Variants in GPRC6A observed in about 807,000 individuals in gnomAD.
GPRC6A encodes G protein-coupled receptor class C group 6 member A, also known as G protein-coupled receptor family C group 6 member A.
A neutral mutation model predicts 47.0 loss-of-function variants in GPRC6A; 54 were observed. The observed-to-expected ratio is 1.15, with a 90% CI of 0.92 to 1.44. The LOEUF (loss-of-function observed/expected upper bound fraction) is 1.44, where lower values mean the gene tolerates loss of function less well. Ranked by LOEUF, GPRC6A falls within the 40% of genes most tolerant of loss-of-function variation. The probability of loss-of-function intolerance (pLI) is 0.00; values close to 1 mark genes in which losing one functional copy is unlikely to be tolerated. For missense variants in GPRC6A, 1,112 were observed against 1,105.5 expected, an observed-to-expected ratio of 1.01 and a Z score of -0.08; for synonymous variants, 347 against 377.1, an observed-to-expected ratio of 0.92 and a Z score of 0.93.
At chr6:116,822,945 C>T (rs1167668018) in intron 1 of GPRC6A, among the ~76,000 whole-genome samples, 5 of 150,888 alleles carry the variant, frequency 3.3e-5, no homozygotes, top group East Asian at 3.9e-4. Context: ...CCTCCTAGAC[C>T]TCTGGGCCTG....
Position 116,800,650 on chromosome 6 carries a change from A to T in GPRC6A, c.1482T>A (p.Tyr494Ter), listed in dbSNP as rs760541453. ...GHMTVTKMAE[Y>*]DLQNDVFIIP... ...TGATGAAGACATCATTCTGTAGGTC[A>T]TATTCTGCCATCTTAGTGACAGTCA... is the stretch of plus-strand genomic sequence containing the variant. The change falls in exon 4 of 6, where the codon TAT becomes TAA. Residue 494 changes from tyrosine (Y) to a stop codon, truncating the protein, a stop_gained. Transcript: ENST00000310357. LOFTEE classifies it high-confidence loss of function. 1.2e-6 allele frequency: 2 copies of T among 1,613,500 alleles called. No individual in the cohort carries two copies. Among genetic ancestry groups the T allele is most frequent in the East Asian group, 4.5e-5 (2 of 44,856 alleles).
intron 1 of GPRC6A, among the ~76,000 whole-genome samples, chr6:116,813,659 A>G (rs957965322): frequency 1.3e-5 from 2 of 152,228 alleles, no homozygotes; most frequent in Admixed American, 1.3e-4. Context: ...AAAACCCTAG[A>G]AGAAAACCTA....
chr6:116,803,943 T>A (rs1772758358), intron 3 of GPRC6A, among the ~76,000 whole-genome samples: 1 of 152,094 alleles, frequency 6.6e-6, no homozygotes, highest in Non-Finnish European at 1.5e-5. Flanking sequence ...ATTGTATATA[T>A]CAATGGACAG....
intron 1 of GPRC6A, among the ~76,000 whole-genome samples, chr6:116,814,862 A>T (rs141019550): frequency 0.011 from 1,684 of 152,326 alleles, 28 homozygotes; most frequent in Admixed American, 0.04. Context: ...GCACATATAG[A>T]CTGAAAGTAA....
intron 1 of GPRC6A, among the ~76,000 whole-genome samples, chr6:116,827,118 G>T (rs1426673640): frequency 2.0e-5 from 3 of 151,830 alleles, no homozygotes; most frequent in Non-Finnish European, 2.9e-5. Flanking sequence ...TTAGATAAAA[G>T]ATAGAAGTTC....
At chr6:116,801,690 A>G (rs1157453395) in intron 3 of GPRC6A, among the ~76,000 whole-genome samples, 1 of 152,170 alleles carries the variant, frequency 6.6e-6, no homozygotes, top group Non-Finnish European at 1.5e-5. Context: ...AATAAGTTAT[A>G]TTTTCAAGTA....
intron 1 of GPRC6A, among the ~76,000 whole-genome samples, chr6:116,818,049 C>T (rs1345603081): frequency 3.3e-5 from 5 of 152,108 alleles, no homozygotes; most frequent in South Asian, 2.1e-4. Flanking sequence ...AGATACTCCT[C>T]GAGAAGAGCA....
intron 4 of GPRC6A, among the ~76,000 whole-genome samples, chr6:116,798,096 G>A (rs1429327609): frequency 2.6e-5 from 4 of 152,182 alleles, no homozygotes; most frequent in East Asian, 1.9e-4. Flanking sequence ...TTAGCTCGTC[G>A]AACTTAAGTT....
chr6:116,792,158 C>G lies in GPRC6A; in HGVS notation c.2765G>C (p.Arg922Thr), dbSNP rs776417743. Reference sequence around the variant, plus strand: ...AAGGCTTATTCATATACTTGACATTCTTTTTCGAGGCAAAGTTTTAGATAC... The same window carrying G: ...AAGGCTTATTCATATACTTGACATTGTTTTTCGAGGCAAAGTTTTAGATAC... ...TSVSKTLPRKRMSSI is the reference protein window; with the variant it reads ...TSVSKTLPRKTMSSI The change falls in exon 6 of 6, where the codon AGA becomes ACA. Residue 922 changes from arginine to threonine, a missense_variant. Transcript: ENST00000310357. The G allele has an allele frequency of 1.9e-6, 3 of 1,612,676 alleles. No homozygotes were observed. The highest frequency in any genetic ancestry group is 2.5e-6 in the Non-Finnish European group (3 of 1,179,146).
intron 1 of GPRC6A, among the ~76,000 whole-genome samples, chr6:116,818,260 C>A (rs533380711): frequency 9.9e-5 from 15 of 151,928 alleles, no homozygotes; most frequent in African/African-American, 3.6e-4. Flanking sequence ...TTCGGCCGGG[C>A]GCGGTGGCTC....
chr6:116,821,770 T>A (rs1169603096), intron 1 of GPRC6A, among the ~76,000 whole-genome samples: 2 of 151,616 alleles, frequency 1.3e-5, no homozygotes, highest in Non-Finnish European at 2.9e-5. Context: ...GAAGAAAACC[T>A]AGGCATTACC....
chr6:116,799,803 A>C (rs770243678), intron 4 of GPRC6A, among the ~76,000 whole-genome samples: 3 of 152,190 alleles, frequency 2.0e-5, no homozygotes, highest in Non-Finnish European at 2.9e-5. Flanking sequence ...GAGAGAGGGT[A>C]TAAAATTACC....
chr6:116,795,788 CTT>C lies in GPRC6A; in HGVS notation c.1594_1595del (p.Lys532GlufsTer12). The C allele has an allele frequency of 6.2e-7, 1 of 1,609,008 alleles. No individual in the cohort carries two copies. The highest frequency in any genetic ancestry group is 1.1e-5 in the South Asian group (1 of 90,906). On this transcript the variant is annotated frameshift_variant, in exon 5 of 6. Transcript: ENST00000310357. LOFTEE classifies it high-confidence loss of function. ...CSKECSPGQM[K>X]KTTRSQHICC... ...AGATGTGTTGACTTCTTGTAGTTTT[CTT>C]CATTTGCCCAGGACTGCATTCCTTG...
chr6:116,805,557 A>G (rs1772809326), intron 3 of GPRC6A, among the ~76,000 whole-genome samples: 1 of 152,102 alleles, frequency 6.6e-6, no homozygotes, highest in Admixed American at 6.6e-5. Flanking sequence ...TCTAATAAGT[A>G]AAACATCATT....
intron 1 of GPRC6A, among the ~76,000 whole-genome samples, chr6:116,826,639 T>A (rs9489043): frequency 0.024 from 3,710 of 151,882 alleles, 146 homozygotes; most frequent in African/African-American, 0.085. Context: ...TGGGAAAGAG[T>A]ATGGATATTT....
chr6:116,829,143 T>A, upstream of GPRC6A: 1 of 998,376 alleles, frequency 1.0e-6, no homozygotes, highest in Non-Finnish European at 1.4e-6. Flanking sequence ...CCAGAAACAC[T>A]CAGTATTCAG....
chr6:116,814,266 A>G (rs141224883), intron 1 of GPRC6A, among the ~76,000 whole-genome samples: 8 of 152,234 alleles, frequency 5.3e-5, no homozygotes, highest in African/African-American at 1.9e-4. Flanking sequence ...ATATACCCAA[A>G]GGATTATAAA....
chr6:116,795,217 A>G lies in GPRC6A; in HGVS notation c.1672+495T>C, dbSNP rs549653441. ...GTTGATAGTTGGTCCCTTGTCTCAC[A>G]GAAGTTTCTTTTAGGTTTAACTTTT... On this transcript the variant is annotated intron_variant, in intron 5 of 5. Coordinates refer to ENST00000310357, the MANE Select transcript of GPRC6A (RefSeq NM_148963.4). Among the ~76,000 whole-genome samples the G allele has an allele frequency of 4.2e-4, 64 of 152,318 alleles. 2 individuals are homozygous for G. In the South Asian group the frequency reaches 9.9e-3, roughly 24 times the overall value.
At position 116,792,496 on chromosome 6, in the gene GPRC6A, A is replaced by C; in HGVS notation, c.2427T>G (p.Tyr809Ter). 4 of 1,613,892 alleles carry C rather than the reference A, an allele frequency of 2.5e-6. No homozygotes were observed. The highest frequency in any genetic ancestry group is 2.2e-5 in the East Asian group (1 of 44,876). The change falls in exon 6 of 6, where the codon TAT (tyrosine) becomes TAG (stop). Residue 809 changes from tyrosine (Y) to a stop codon, truncating the protein, a stop_gained. Transcript: ENST00000310357. LOFTEE classifies it low-confidence loss of function (END_TRUNC). Reference sequence around the variant, plus strand: ...TGACAATAATCTCCACAGCTGGTACATATTTGCCAAATGTGGTAGCATAGA... The same window carrying C: ...TGACAATAATCTCCACAGCTGGTACCTATTTGCCAAATGTGGTAGCATAGA... ...IPIYATTFGK[Y>*]VPAVEIIVIL...
Sources: gnomAD v4.1 joint callset for allele counts (sites outside exome capture counted in the v4.1 genomes callset) on GRCh38, gnomAD v4.1.1 for gene constraint, MANE v1.5 for transcripts, NCBI Gene and HGNC (gene_info 2026-07-23, HGNC 2026-07-21) for gene names.